Variants in ZNF33A observed in about 807,000 individuals in gnomAD.
ZNF33A encodes the protein zinc finger protein 33A, also known as brain my041 protein.
A neutral mutation model predicts 15.9 loss-of-function variants in ZNF33A; 9 were observed. That is an observed-to-expected ratio of 0.57 (90% confidence interval 0.34 to 0.99). The LOEUF is 0.99. ZNF33A is among the 50% of genes least tolerant of loss of function. ZNF33A has a pLI of 0.02. For missense variants in ZNF33A, 843 were observed against 941.6 expected (o/e 0.90, Z 1.37); for synonymous variants, 294 against 324.2 (o/e 0.91, Z 1.00).
downstream of ZNF33A, among the ~76,000 whole-genome samples, chr10:38,062,553 CTG>C (rs1012639099): frequency 5.3e-5 from 8 of 152,148 alleles, no homozygotes; most frequent in Non-Finnish European, 1.0e-4. Context: ...CATGCAGCCT[CTG>C]TGTATGTGAG....
At chr10:38,063,503 C>T (rs1264367081), downstream of ZNF33A, among the ~76,000 whole-genome samples, 2 of 150,412 alleles carry the variant, frequency 1.3e-5, no homozygotes, top group Non-Finnish European at 3.0e-5. Context: ...AGATGAACAT[C>T]CTGCTTTGTT....
At chr10:38,028,733 G>A (rs1294830648) in intron 4 of ZNF33A, among the ~76,000 whole-genome samples, 1 of 152,112 alleles carries the variant, frequency 6.6e-6, no homozygotes, top group East Asian at 1.9e-4. Context: ...CTCCCAAAGT[G>A]CTGGAATTAC....
At chr10:38,026,506 TGTG>T (rs200609874) in intron 4 of ZNF33A, among the ~76,000 whole-genome samples, 1,696 of 152,278 alleles carry the variant, frequency 0.011, 35 homozygotes, top group African/African-American at 0.038. Flanking sequence ...GGCTAATTTT[TGTG>T]GTTTTAGTAG....
chr10:38,060,330 G>C (rs1387284953), downstream of ZNF33A, among the ~76,000 whole-genome samples: 15 of 152,188 alleles, frequency 9.9e-5, no homozygotes, highest in East Asian at 2.9e-3. Context: ...TCCTTGTCAG[G>C]GGGGCCAGGC....
chr10:38,010,757 G>A lies in ZNF33A; in HGVS notation c.-71G>A, dbSNP rs1231101543. On this transcript the variant is annotated 5_prime_UTR_variant, in exon 1 of 5. Transcript: ENST00000432900. The stretch of plus-strand genomic sequence containing the variant: ...TCAAGGGTCTACGCGCTTTTCTATG[G>A]CGAATGCAACCCGACGAGGGAGTGG... 3 of 1,598,348 alleles carry A rather than the reference G, an allele frequency of 1.9e-6. No homozygotes were observed. The highest frequency in any genetic ancestry group is 2.5e-6 in the Non-Finnish European group (3 of 1,179,822).
chr10:38,059,670 A>T lies in ZNF33A; in HGVS notation c.*3110A>T, dbSNP rs1352798667. On this transcript the variant is annotated 3_prime_UTR_variant, in exon 5 of 5. Coordinates refer to ENST00000432900, the MANE Select transcript of ZNF33A (RefSeq NM_006954.2). ...CATTTTGGGAGAGGCAAAACTATTGAGCCAGTGAAAGGACCAGTGGTTGCT... is the reference window on the plus strand; with the variant it reads ...CATTTTGGGAGAGGCAAAACTATTGTGCCAGTGAAAGGACCAGTGGTTGCT... The T allele has an allele frequency of 6.6e-6, 1 of 152,226 alleles. No homozygotes were observed. The highest frequency in any genetic ancestry group is 2.4e-5 in the African/African-American group (1 of 41,448). 9.4% of individuals were successfully genotyped at this position (152,226 alleles called of 1,614,324 possible).
Position 38,054,757 on chromosome 10 carries a change from G to C in ZNF33A, c.633G>C (p.Lys211Asn), listed in dbSNP as rs2066377779. 1 of 1,613,472 alleles carries C rather than the reference G, an allele frequency of 6.2e-7. No individual in the cohort carries two copies. Among genetic ancestry groups the C allele is most frequent in the Admixed American group, 1.7e-5 (1 of 59,924 alleles). ...ATGAGGAGACTTTGCAGCATGAGAAGATTCAAACTTTAGAGCACAATTTTG... is the reference window on the plus strand; with the variant it reads ...ATGAGGAGACTTTGCAGCATGAGAACATTCAAACTTTAGAGCACAATTTTG... ...SHHEETLQHE[K>N]IQTLEHNFEY... The change falls in exon 5 of 5, where the codon AAG (lysine) becomes AAC (asparagine). Residue 211 changes from lysine to asparagine, a missense_variant. Physicochemically the swap from Lys to Asn is moderately conservative, Grantham distance 94 (BLOSUM62 0). Coordinates refer to ENST00000432900, the MANE Select transcript of ZNF33A (RefSeq NM_006954.2).
downstream of ZNF33A, among the ~76,000 whole-genome samples, chr10:38,066,144 C>G (rs1299955394): frequency 2.0e-5 from 3 of 152,082 alleles, no homozygotes; most frequent in African/African-American, 7.2e-5. Context: ...GATATAAAAC[C>G]CTGACCATAG....
At chr10:38,024,163 C>CCAAAAAAAAAA (rs1554902706) in intron 4 of ZNF33A, among the ~76,000 whole-genome samples, 4 of 93,216 alleles carry the variant, frequency 4.3e-5, no homozygotes, top group Non-Finnish European at 4.1e-5. Context: ...AAAAACAAAA[C>CCAAAAAAAAAA]AAAAAAAAAA....
At chr10:38,036,296 G>T (rs2065450740) in intron 4 of ZNF33A, among the ~76,000 whole-genome samples, 2 of 152,038 alleles carry the variant, frequency 1.3e-5, no homozygotes, top group African/African-American at 4.8e-5. Context: ...AATAAGCTGG[G>T]CGTGGTGGAA....
chr10:38,051,733 AAAG>A (rs2066216145), intron 4 of ZNF33A, among the ~76,000 whole-genome samples: 1 of 152,104 alleles, frequency 6.6e-6, no homozygotes, highest in African/African-American at 2.4e-5. Flanking sequence ...TTAAAAGAAA[AAAG>A]CATAATTTAT....
At chr10:38,024,246 C>T (rs1173024348) in intron 4 of ZNF33A, among the ~76,000 whole-genome samples, 1 of 147,744 alleles carries the variant, frequency 6.8e-6, no homozygotes, top group Non-Finnish European at 1.5e-5. Context: ...CCAAGATGAA[C>T]ACATATAATC....
chr10:38,035,438 C>G (rs575077925), intron 4 of ZNF33A, among the ~76,000 whole-genome samples: 1 of 152,018 alleles, frequency 6.6e-6, no homozygotes, highest in African/African-American at 2.4e-5. Context: ...TTTCATTATT[C>G]TTTCCCTGTA....
chr10:38,030,353 TG>T (rs2065161002), intron 4 of ZNF33A, among the ~76,000 whole-genome samples: 2 of 152,180 alleles, frequency 1.3e-5, no homozygotes, highest in African/African-American at 4.8e-5. Flanking sequence ...TGTTCTTGAA[TG>T]GATAATGTGT....
At chr10:38,010,526 T>A, upstream of ZNF33A, 1 of 678,818 alleles carries the variant, frequency 1.5e-6, no homozygotes, top group South Asian at 1.6e-5. Flanking sequence ...TCAGACCGCA[T>A]CTGCCCACTG....
rs12256916 is a variant in ZNF33A, at chr10:38,055,967, G to A, written c.1843G>A (p.Gly615Arg). The change falls in exon 5 of 5, where the codon GGA becomes AGA. Residue 615 changes from glycine to arginine, a missense_variant. Physicochemically the swap from Gly to Arg is moderately radical, Grantham distance 125 (BLOSUM62 -2). Transcript: ENST00000432900. The stretch of plus-strand genomic sequence containing the variant: ...GAAACCCTATGAATGTAATGAATGT[G>A]GAAAAGCCTTCTACCAGAAGTCACA... ...GEKPYECNEC[G>R]KAFYQKSQLT... 8.7e-3 allele frequency: 14,025 copies of A among 1,613,866 alleles called. 335 individuals are homozygous for A. The highest frequency in any genetic ancestry group is 0.085 in the African/African-American group (6,359 of 74,926).
rs2066612432 is a variant in ZNF33A at position 38,059,438 on chromosome 10, TG to T, written c.*2879del. 6.6e-6 allele frequency: 1 copy of T among 152,238 alleles called. No individual in the cohort carries two copies. The highest frequency in any genetic ancestry group is 6.5e-5 in the Admixed American group (1 of 15,282). 9.4% of individuals were successfully genotyped at this position (152,238 alleles called of 1,614,324 possible). A position where few individuals can be genotyped will look rare whatever the true frequency, so the allele number is the denominator to read the frequency against. On this transcript the variant is annotated 3_prime_UTR_variant, in exon 5 of 5. Coordinates refer to ENST00000432900, the MANE Select transcript of ZNF33A (RefSeq NM_006954.2). Reference sequence around the variant, plus strand: ...CAACTTTGTTCACAAGTAACATGATTGTCTTTGTAGAGAATTCTAAATAACA... The same window carrying T: ...CAACTTTGTTCACAAGTAACATGATTTCTTTGTAGAGAATTCTAAATAACA...
At position 38,059,186 on chromosome 10, in the gene ZNF33A, C is replaced by T. The variant is rs945657927; in HGVS notation, c.*2626C>T. 6.6e-6 allele frequency: 1 copy of T among 152,122 alleles called. No homozygotes were observed. The highest frequency in any genetic ancestry group is 2.4e-5 in the African/African-American group (1 of 41,420). The allele number at this position is 152,122 out of a possible 1,614,324, so 9.4% of individuals were successfully genotyped here. ...CCATTCATGTTAAAACCTCTCAACA[C>T]AGAAGGAATACAGGAGAACTTACTC... On this transcript the variant is annotated 3_prime_UTR_variant, in exon 5 of 5. Transcript: ENST00000432900.
intron 4 of ZNF33A, among the ~76,000 whole-genome samples, chr10:38,049,832 A>T (rs2066117828): frequency 6.6e-6 from 1 of 152,234 alleles, no homozygotes; most frequent in African/African-American, 2.4e-5. Context: ...CATTGAGAAG[A>T]TCGATAAAAT....
Sources: allele counts gnomAD v4.1 joint callset (sites outside exome capture counted in the v4.1 genomes callset), GRCh38; gene constraint gnomAD v4.1.1; transcripts MANE v1.5; gene names NCBI Gene and HGNC (gene_info 2026-07-23, HGNC 2026-07-21).